Variants in TNFSF4 observed in about 807,000 individuals in gnomAD.
The protein encoded by TNFSF4 is tumor necrosis factor ligand superfamily member 4.
TNFSF4 carries 4 observed loss-of-function variants against 7.3 expected under a neutral mutation model. That is an observed-to-expected ratio of 0.55 (90% CI 0.27 to 1.25). TNFSF4 has a LOEUF of 1.25. TNFSF4 is among the 50% of genes most tolerant of loss of function. The probability of loss-of-function intolerance (pLI) is 0.12; values close to 1 mark genes in which losing one functional copy is unlikely to be tolerated. For synonymous variants in TNFSF4, 76 were observed against 83.7 expected, an observed-to-expected ratio of 0.91 and a Z score of 0.50; for missense variants, 181 against 208.8, an observed-to-expected ratio of 0.87 and a Z score of 0.82.
the TNFSF4 span, among the ~76,000 whole-genome samples, chr1:173,378,724 T>A: frequency 1.3e-5 from 2 of 152,296 alleles, no homozygotes; most frequent in Non-Finnish European, 2.9e-5. Context: ...ATGCAAAGCT[T>A]GCAATTTACA....
chr1:173,308,589 G>T, the TNFSF4 span, among the ~76,000 whole-genome samples: 1 of 151,694 alleles, frequency 6.6e-6, no homozygotes, highest in Non-Finnish European at 1.5e-5. Flanking sequence ...GTTAACTGTT[G>T]CTGCTAAAAC....
the TNFSF4 span, chr1:173,351,894 A>T: frequency 1.7e-6 from 1 of 587,890 alleles, no homozygotes; most frequent in Non-Finnish European, 3.1e-6. Context: ...GGTTATCACT[A>T]GGCTAAAACT....
the TNFSF4 span, among the ~76,000 whole-genome samples, chr1:173,216,396 C>A: frequency 6.6e-6 from 1 of 152,156 alleles, no homozygotes; most frequent in South Asian, 2.1e-4. Context: ...TCAAGAGAAT[C>A]TTTTTTTCTG....
At chr1:173,322,645 A>G in the TNFSF4 span, among the ~76,000 whole-genome samples, 1 of 152,116 alleles carries the variant, frequency 6.6e-6, no homozygotes, top group Non-Finnish European at 1.5e-5. Context: ...AGTCAAAGAA[A>G]GGGGTGGCAG....
the TNFSF4 span, among the ~76,000 whole-genome samples, chr1:173,313,005 G>A: frequency 2.0e-5 from 3 of 152,092 alleles, no homozygotes; most frequent in Non-Finnish European, 4.4e-5. Context: ...GCACAGCCCT[G>A]AGCAAGTGGC....
the TNFSF4 span, among the ~76,000 whole-genome samples, chr1:173,254,964 A>C: frequency 6.6e-6 from 1 of 152,346 alleles, no homozygotes; most frequent in African/African-American, 2.4e-5. Flanking sequence ...TTGGCTGCAC[A>C]TTAAAGACAC....
At chr1:173,439,572 C>A in the TNFSF4 span, among the ~76,000 whole-genome samples, 3 of 152,156 alleles carry the variant, frequency 2.0e-5, no homozygotes, top group African/African-American at 7.2e-5. Flanking sequence ...ATCCTGCTAT[C>A]CCTCACAGAA....
the TNFSF4 span, among the ~76,000 whole-genome samples, chr1:173,312,427 T>C: frequency 6.6e-6 from 1 of 152,118 alleles, no homozygotes; most frequent in South Asian, 2.1e-4. Context: ...TTTTAATTTC[T>C]TGTCTCTCTC....
chr1:173,416,281 A>G, the TNFSF4 span, among the ~76,000 whole-genome samples: 1 of 152,222 alleles, frequency 6.6e-6, no homozygotes, highest in Non-Finnish European at 1.5e-5. Flanking sequence ...GGCTCAGAAC[A>G]TGGTCCAAAT....
chr1:173,382,407 TC>T, the TNFSF4 span, among the ~76,000 whole-genome samples: 1 of 152,122 alleles, frequency 6.6e-6, no homozygotes, highest in Non-Finnish European at 1.5e-5. Flanking sequence ...ATTCTTGAAG[TC>T]AGCAAGACCA....
At chr1:173,400,432 A>G in the TNFSF4 span, among the ~76,000 whole-genome samples, 1 of 152,216 alleles carries the variant, frequency 6.6e-6, no homozygotes, top group Non-Finnish European at 1.5e-5. Flanking sequence ...CTCCAGTTAC[A>G]CCAGTAAAAT....
chr1:173,327,174 G>C, the TNFSF4 span, among the ~76,000 whole-genome samples: 4 of 152,266 alleles, frequency 2.6e-5, no homozygotes, highest in Middle Eastern at 6.8e-3. Context: ...CAGAGATATA[G>C]ACCAATGGAA....
At chr1:173,343,239 C>G in the TNFSF4 span, among the ~76,000 whole-genome samples, 1 of 152,042 alleles carries the variant, frequency 6.6e-6, no homozygotes, top group African/African-American at 2.4e-5. Flanking sequence ...ATGATATTTG[C>G]TAGGCAAAAG....
downstream of TNFSF4, among the ~76,000 whole-genome samples, chr1:173,179,212 T>C (rs564572258): frequency 2.6e-5 from 4 of 152,310 alleles, no homozygotes; most frequent in South Asian, 8.3e-4. Context: ...TCAAAGAGTC[T>C]GATGATAATA....
the TNFSF4 span, among the ~76,000 whole-genome samples, chr1:173,440,954 G>A: frequency 3.6e-4 from 55 of 152,254 alleles, no homozygotes; most frequent in Non-Finnish European, 5.7e-4. Context: ...GTCGCAAGGT[G>A]AAGATGTTTA....
the TNFSF4 span, among the ~76,000 whole-genome samples, chr1:173,387,519 T>G: frequency 2.0e-5 from 3 of 152,210 alleles, no homozygotes; most frequent in Non-Finnish European, 4.4e-5. Flanking sequence ...CATAGGTATT[T>G]TGTTATAAAG....
chr1:173,215,049 G>C, the TNFSF4 span, among the ~76,000 whole-genome samples: 3 of 152,144 alleles, frequency 2.0e-5, no homozygotes, highest in African/African-American at 7.2e-5. Flanking sequence ...TGTATTTGGA[G>C]ATGGAGCCTT....
At chr1:173,188,673 G>C in intron 1 of TNFSF4, 104 bp from the exon 2 acceptor site, 1 of 963,430 alleles carries the variant, frequency 1.0e-6, no homozygotes, top group South Asian at 1.4e-5. Context: ...GTAGCCTGTA[G>C]AGAAAACAAA....
At chr1:173,215,991 A>G in the TNFSF4 span, among the ~76,000 whole-genome samples, 1 of 152,204 alleles carries the variant, frequency 6.6e-6, no homozygotes. Flanking sequence ...CCCCAGACCT[A>G]TCAAATCAAA....
Sources: allele counts gnomAD v4.1 joint callset (sites outside exome capture counted in the v4.1 genomes callset), GRCh38; gene constraint gnomAD v4.1.1; transcripts MANE v1.5; gene names NCBI Gene and HGNC (gene_info 2026-07-23, HGNC 2026-07-21).